Variants in ITSN1 observed in about 807,000 individuals in gnomAD.
ITSN1 encodes intersectin 1, also known as intersectin-1.
ITSN1 carries 58 observed loss-of-function variants against 239.8 expected under a neutral mutation model. That is an observed-to-expected ratio of 0.24 (90% CI 0.20 to 0.30). The LOEUF is 0.30. Ranked by LOEUF, ITSN1 falls within the 10% of genes least tolerant of loss-of-function variation. ITSN1 has a pLI of 1.00. For synonymous variants in ITSN1, 780 were observed against 770.8 expected, an observed-to-expected ratio of 1.01 and a Z score of -0.20; for missense variants, 1,558 against 2,103.3, an observed-to-expected ratio of 0.74 and a Z score of 5.07.
intron 34 of ITSN1, among the ~76,000 whole-genome samples, chr21:33,880,262 T>A (rs1044125067): frequency 2.0e-5 from 3 of 152,196 alleles, no homozygotes; most frequent in Non-Finnish European, 2.9e-5. Flanking sequence ...CTGTTCCCAG[T>A]TCATGCATAT....
chr21:33,843,746 C>T (rs1358466820), intron 29 of ITSN1, among the ~76,000 whole-genome samples: 1 of 152,156 alleles, frequency 6.6e-6, no homozygotes, highest in Non-Finnish European at 1.5e-5. Context: ...GATGGTGGCT[C>T]AGAGCACGGG....
intron 18 of ITSN1, among the ~76,000 whole-genome samples, chr21:33,798,777 C>T (rs763705612): frequency 9.2e-5 from 14 of 152,200 alleles, no homozygotes; most frequent in Non-Finnish European, 1.9e-4. Flanking sequence ...GCATTAGGCA[C>T]CTACCTGCCT....
chr21:33,784,393 C>G (rs1431298104), intron 16 of ITSN1, among the ~76,000 whole-genome samples: 1 of 151,334 alleles, frequency 6.6e-6, no homozygotes, highest in Non-Finnish European at 1.5e-5. Flanking sequence ...GTCCCAGCTA[C>G]TTGGGAAGCT....
intron 9 of ITSN1, among the ~76,000 whole-genome samples, chr21:33,765,568 GT>G (rs1270318308): frequency 6.6e-6 from 1 of 152,200 alleles, no homozygotes; most frequent in Non-Finnish European, 1.5e-5. Flanking sequence ...ATCAGCCTGG[GT>G]AACAGTGAGA....
chr21:33,884,934 A>T, intron 36 of ITSN1, 107 bp from the exon 37 acceptor site: 2 of 774,760 alleles, frequency 2.6e-6, no homozygotes, highest in Non-Finnish European at 4.4e-6. Context: ...CTTTGTTGTT[A>T]AAATCAAATG....
At chr21:33,784,310 AACAC>A (rs58496273) in intron 16 of ITSN1, among the ~76,000 whole-genome samples, 13,298 of 134,048 alleles carry the variant, frequency 0.099, 814 homozygotes, top group Non-Finnish European at 0.11. Flanking sequence ...GTCTCTACAA[AACAC>A]ACACACACAC....
chr21:33,700,990 T>TGTGTGTGTGTG (rs1375498602), intron 1 of ITSN1, among the ~76,000 whole-genome samples: 7 of 149,352 alleles, frequency 4.7e-5, no homozygotes, highest in African/African-American at 9.9e-5. Context: ...TGTGTGTGTG[T>TGTGTGTGTGTG]TTTCTTATAG....
chr21:33,791,216 C>G (rs2071102423), intron 16 of ITSN1, among the ~76,000 whole-genome samples: 1 of 152,208 alleles, frequency 6.6e-6, no homozygotes, highest in Admixed American at 6.5e-5. Flanking sequence ...CTCTGGGCAG[C>G]ATGTTGATTT....
In ITSN1 at chr21:33,864,444, T is replaced by C. The variant is rs2148499383; in HGVS notation, c.3891-707T>C. Among the ~76,000 whole-genome samples, 4 of 152,294 alleles carry C rather than the reference T, an allele frequency of 2.6e-5. No individual in the cohort carries two copies. The Middle Eastern group carries it at 0.014, about 518-fold the overall frequency. ...AGGGGAAGCACAGTCCTAGTTACCATAGCTCTGAGCACTCACACTGCAGGC... is the reference window on the plus strand; with the variant it reads ...AGGGGAAGCACAGTCCTAGTTACCACAGCTCTGAGCACTCACACTGCAGGC... On this transcript the variant is annotated intron_variant, in intron 31 of 39. Coordinates refer to ENST00000381318, the MANE Select transcript of ITSN1 (RefSeq NM_003024.3).
chr21:33,721,064 C>A, intron 2 of ITSN1, 114 bp from the exon 3 acceptor site: 3 of 652,380 alleles, frequency 4.6e-6, no homozygotes, highest in Non-Finnish European at 8.1e-6. Context: ...GTGAATTTAT[C>A]AAGTCTTTAT....
At chr21:33,720,356 C>G (rs1470559663) in intron 2 of ITSN1, among the ~76,000 whole-genome samples, 1 of 152,148 alleles carries the variant, frequency 6.6e-6, no homozygotes, top group Non-Finnish European at 1.5e-5. Context: ...ATTGTGTATT[C>G]CCAGTTTTGT....
chr21:33,695,475 C>A (rs1402267951), intron 1 of ITSN1, among the ~76,000 whole-genome samples: 1 of 152,186 alleles, frequency 6.6e-6, no homozygotes, highest in African/African-American at 2.4e-5. Context: ...CAGTTGTTAT[C>A]TTTTAAAAAT....
Position 33,729,466 on chromosome 21 carries a change from A to T in ITSN1, c.186-5578A>T, listed in dbSNP as rs532665055. Among the ~76,000 whole-genome samples the T allele has an allele frequency of 1.6e-3, 240 of 151,852 alleles. 2 individuals carry two copies. The highest frequency in any genetic ancestry group is 3.5e-3 in the South Asian group (17 of 4,812). On this transcript the variant is annotated intron_variant, in intron 4 of 39. Transcript: ENST00000381318. The stretch of plus-strand genomic sequence containing the variant: ...CTGTCTCAAACAAACAAACAAATAA[A>T]AAAAAAAAAAAGAACCTAGTAAGTA...
At position 33,810,084 on chromosome 21, in the gene ITSN1, GC is replaced by G. The variant is rs1486565924; in HGVS notation, c.2320-888del. ...TGGGATTACAGGCATGAGCCACCGTGCCCAGCCCAAAAATAAATTTCCCAAT... is the reference window on the plus strand; with the variant it reads ...TGGGATTACAGGCATGAGCCACCGTGCCAGCCCAAAAATAAATTTCCCAAT... On this transcript the variant is annotated intron_variant, in intron 20 of 39. Transcript: ENST00000381318. 5.3e-5 allele frequency among the ~76,000 whole-genome samples: 8 copies of G among 152,154 alleles called. No homozygotes were observed. The East Asian group carries it at 1.3e-3, about 26-fold the overall frequency.
At chr21:33,745,195 G>C (rs958363612) in intron 5 of ITSN1, among the ~76,000 whole-genome samples, 8 of 152,194 alleles carry the variant, frequency 5.3e-5, no homozygotes, top group African/African-American at 1.7e-4. Flanking sequence ...CCATTCTTTG[G>C]ATGTAGCTGC....
At chr21:33,733,027 G>T (rs1471392407) in intron 4 of ITSN1, among the ~76,000 whole-genome samples, 1 of 152,046 alleles carries the variant, frequency 6.6e-6, no homozygotes, top group Non-Finnish European at 1.5e-5. Flanking sequence ...CCCTTCTAAG[G>T]CAGTTTTTGG....
At chr21:33,824,176 C>T (rs2073848751) in intron 25 of ITSN1, among the ~76,000 whole-genome samples, 1 of 152,150 alleles carries the variant, frequency 6.6e-6, no homozygotes, top group South Asian at 2.1e-4. Flanking sequence ...TTAGAATCTC[C>T]GTTGATCAGG....
chr21:33,835,941 A>G (rs932485212), intron 28 of ITSN1, among the ~76,000 whole-genome samples: 2 of 152,206 alleles, frequency 1.3e-5, no homozygotes, highest in Non-Finnish European at 2.9e-5. Context: ...AAATAAATAA[A>G]TAATAAATAA....
At chr21:33,718,990 C>G in intron 2 of ITSN1, 134 bp downstream of exon 2, 2 of 706,032 alleles carry the variant, frequency 2.8e-6, no homozygotes, top group Non-Finnish European at 4.8e-6. Context: ...CATATAGTTT[C>G]ATTAATTATC....
Sources: allele counts gnomAD v4.1 joint callset (sites outside exome capture counted in the v4.1 genomes callset), GRCh38; gene constraint gnomAD v4.1.1; transcripts MANE v1.5; gene names NCBI Gene and HGNC (gene_info 2026-07-23, HGNC 2026-07-21).